Variants in GATA4 observed in about 807,000 individuals in gnomAD.
GATA4 encodes the protein GATA binding protein 4, also known as transcription factor GATA-4.
Under a neutral mutation model 37.9 loss-of-function variants are expected in GATA4, and 7 were observed. The ratio of observed to expected loss-of-function variants is 0.18; its 90% CI spans 0.11 to 0.35. The LOEUF is 0.35. GATA4 is among the 10% of genes least tolerant of loss of function. The pLI, the probability that GATA4 is intolerant of heterozygous loss-of-function variation, is 1.00. For synonymous variants in GATA4, 372 were observed against 292.6 expected, an observed-to-expected ratio of 1.27 and a Z score of -2.77; for missense variants, 647 against 653.0, an observed-to-expected ratio of 0.99 and a Z score of 0.10.
rs542939702 is a variant in GATA4, at chr8:11,756,894, C to A, written c.1001-41C>A. 3.2e-5 allele frequency: 51 copies of A among 1,614,084 alleles called. No individual in the cohort carries two copies. The African/African-American group carries it at 4.1e-4, about 13-fold the overall frequency. On this transcript the variant is annotated intron_variant, in intron 5 of 6. Coordinates refer to ENST00000532059, the MANE Select transcript of GATA4 (RefSeq NM_001308093.3). ...GCAGGCTGCCGGCTGTTCGTTTGTC[C>A]CTGCCGCTGATTTGGGTGTGCTGAC...
chr8:11,744,181 C>T (rs1208615504), intron 2 of GATA4, among the ~76,000 whole-genome samples: 1 of 152,186 alleles, frequency 6.6e-6, no homozygotes, highest in Non-Finnish European at 1.5e-5. Flanking sequence ...TATCTGTCCT[C>T]CCCTCCTCCA....
chr8:11,693,649 C>T (rs1799412572), intron 1 of GATA4, among the ~76,000 whole-genome samples: 1 of 150,208 alleles, frequency 6.7e-6, no homozygotes, highest in South Asian at 2.1e-4. Context: ...AGACCGAGGG[C>T]CAGAGTGGGC....
In GATA4 at chr8:11,749,197, C is replaced by A. The variant is rs945227356; in HGVS notation, c.786+112C>A. The A allele has an allele frequency of 2.0e-6, 2 of 1,020,476 alleles. No individual in the cohort carries two copies. The highest frequency in any genetic ancestry group is 4.0e-5 in the Admixed American group (2 of 50,056). The allele number at this position is 1,020,476 out of a possible 1,614,324, so 63.2% of individuals were successfully genotyped here. On this transcript the variant is annotated intron_variant, in intron 3 of 6. Transcript: ENST00000532059. The surrounding 1 kb of genome is among the most constrained non-coding windows in gnomAD (Gnocchi z 4.6). ...ACTTGAGGGTGTGCATCGGGGATTA[C>A]GTGGGTGAGAGCCCCATAATAATTC... is the stretch of plus-strand genomic sequence containing the variant.
intron 1 of GATA4, among the ~76,000 whole-genome samples, chr8:11,685,601 C>G (rs1177507190): frequency 6.6e-6 from 1 of 152,194 alleles, no homozygotes; most frequent in Non-Finnish European, 1.5e-5. Flanking sequence ...CTCCTGATTC[C>G]AGGCTAGAGA....
At chr8:11,706,973 G>A (rs1799914119) in intron 1 of GATA4, among the ~76,000 whole-genome samples, 1 of 152,114 alleles carries the variant, frequency 6.6e-6, no homozygotes, top group Non-Finnish European at 1.5e-5. Flanking sequence ...CAGGATGCTG[G>A]GAAGTATATA....
At chr8:11,681,310 TCAC>T (rs1798963263) in intron 1 of GATA4, 3 of 985,394 alleles carry the variant, frequency 3.0e-6, no homozygotes, top group Non-Finnish European at 3.6e-6. Flanking sequence ...AGCACTGTCT[TCAC>T]CACTTCTCGA....
At chr8:11,686,793 T>A (rs896726030) in intron 1 of GATA4, among the ~76,000 whole-genome samples, 3 of 151,960 alleles carry the variant, frequency 2.0e-5, no homozygotes, top group Non-Finnish European at 4.4e-5. Context: ...AGGTCAGGAG[T>A]TCGAGACCAG....
At chr8:11,712,720 G>T (rs1340674515) in intron 2 of GATA4, among the ~76,000 whole-genome samples, 2 of 145,838 alleles carry the variant, frequency 1.4e-5, no homozygotes, top group African/African-American at 2.6e-5. Flanking sequence ...AATTAACTGG[G>T]CATGGTAATG....
chr8:11,742,963 C>G (rs1196207988), intron 2 of GATA4, among the ~76,000 whole-genome samples: 1 of 152,244 alleles, frequency 6.6e-6, no homozygotes, highest in Non-Finnish European at 1.5e-5. Flanking sequence ...CCCCTCCTGC[C>G]CAGTCTGGGC....
At chr8:11,736,170 G>T (rs1299103134) in intron 2 of GATA4, among the ~76,000 whole-genome samples, 3 of 152,210 alleles carry the variant, frequency 2.0e-5, no homozygotes, top group Non-Finnish European at 4.4e-5. Context: ...CTCACAAAGG[G>T]CTGGGATTAC....
At chr8:11,751,418 T>C (rs539090886) in intron 4 of GATA4, among the ~76,000 whole-genome samples, 3 of 152,352 alleles carry the variant, frequency 2.0e-5, no homozygotes, top group Non-Finnish European at 4.4e-5. Context: ...GTCACATGTA[T>C]GCATATATAC....
At chr8:11,716,877 C>G (rs1800455205) in intron 2 of GATA4, among the ~76,000 whole-genome samples, 1 of 152,246 alleles carries the variant, frequency 6.6e-6, no homozygotes, top group African/African-American at 2.4e-5. Flanking sequence ...AATGTAGCTG[C>G]TTGTGTCTGC....
chr8:11,751,299 A>G (rs1802290234), intron 4 of GATA4, among the ~76,000 whole-genome samples: 1 of 152,202 alleles, frequency 6.6e-6, no homozygotes, highest in Non-Finnish European at 1.5e-5. Flanking sequence ...GCCCAACACT[A>G]CCTACTATGG....
intron 1 of GATA4, chr8:11,694,590 C>G (rs1276848078): frequency 2.3e-5 from 19 of 818,570 alleles, no homozygotes; most frequent in Non-Finnish European, 2.8e-5. Context: ...GCCAAACTGT[C>G]TGCTTTGTTC....
intron 1 of GATA4, among the ~76,000 whole-genome samples, chr8:11,678,012 AAATAAT>A (rs148395155): frequency 0.19 from 26,681 of 141,696 alleles, 2,588 homozygotes; most frequent in Middle Eastern, 0.35. Flanking sequence ...GGCTGAGTCA[AAATAAT>A]AATAATAATA....
At chr8:11,682,304 G>A (rs1244878379) in intron 1 of GATA4, among the ~76,000 whole-genome samples, 1 of 152,158 alleles carries the variant, frequency 6.6e-6, no homozygotes, top group Non-Finnish European at 1.5e-5. Flanking sequence ...AACTGATATG[G>A]TAGAAATAGA....
At chr8:11,685,825 G>C (rs749355819) in intron 1 of GATA4, among the ~76,000 whole-genome samples, 1 of 152,168 alleles carries the variant, frequency 6.6e-6, no homozygotes, top group Non-Finnish European at 1.5e-5. Flanking sequence ...CCAGGTGTGG[G>C]GTAGTGATGG....
intron 1 of GATA4, among the ~76,000 whole-genome samples, chr8:11,684,913 T>C (rs375531656): frequency 2.6e-5 from 4 of 152,320 alleles, no homozygotes; most frequent in East Asian, 3.9e-4. Context: ...GTTGTGGAAA[T>C]TGTGTGAGTT....
chr8:11,756,536 G>C, intron 5 of GATA4: 1 of 317,786 alleles, frequency 3.1e-6, no homozygotes. Flanking sequence ...GATAGTCTCT[G>C]TTTACTCCAT....
Sources: allele counts gnomAD v4.1 joint callset (sites outside exome capture counted in the v4.1 genomes callset), GRCh38; gene constraint gnomAD v4.1.1; non-coding constraint Gnocchi (gnomAD v3.1); transcripts MANE v1.5; gene names NCBI Gene and HGNC (gene_info 2026-07-23, HGNC 2026-07-21).